DSCAM: variants seen among roughly 807,000 people sequenced by gnomAD.
The protein encoded by DSCAM is DS cell adhesion molecule, also known as cell adhesion molecule DSCAM.
Under a neutral mutation model 217.7 loss-of-function variants are expected in DSCAM, and 47 were observed. The ratio of observed to expected loss-of-function variants is 0.22; its 90% CI spans 0.17 to 0.28. The LOEUF (loss-of-function observed/expected upper bound fraction) is 0.28, where lower values mean the gene tolerates loss of function less well. Ranked by LOEUF, DSCAM falls within the 10% of genes least tolerant of loss-of-function variation. DSCAM has a pLI of 1.00. For missense variants in DSCAM, 2,080 were observed against 2,618.3 expected (o/e 0.79, Z 4.49); for synonymous variants, 1,056 against 1,015.3 (o/e 1.04, Z -0.76).
intron 14 of DSCAM, among the ~76,000 whole-genome samples, chr21:40,184,023 TA>T (rs1953548866): frequency 6.6e-6 from 1 of 152,082 alleles, no homozygotes; most frequent in Admixed American, 6.5e-5. Context: ...CTATGGCCCA[TA>T]GGGGGACAAC....
chr21:40,555,854 C>T (rs1367583880), intron 3 of DSCAM, among the ~76,000 whole-genome samples: 1 of 151,960 alleles, frequency 6.6e-6, no homozygotes, highest in Middle Eastern at 3.2e-3. Context: ...CCTGACTGGT[C>T]TTGAAGTCTT....
intron 3 of DSCAM, among the ~76,000 whole-genome samples, chr21:40,524,716 A>T (rs1159367976): frequency 6.6e-6 from 1 of 152,136 alleles, no homozygotes; most frequent in East Asian, 1.9e-4. Context: ...ATGCAGTATT[A>T]AAAAATTCAC....
chr21:40,358,373 G>C (rs979392882), intron 4 of DSCAM, among the ~76,000 whole-genome samples: 4 of 152,090 alleles, frequency 2.6e-5, no homozygotes, highest in African/African-American at 9.7e-5. Context: ...ATGGATTATG[G>C]CCTAAATATA....
chr21:40,441,838 C>T (rs980399600), intron 3 of DSCAM, among the ~76,000 whole-genome samples: 6 of 152,146 alleles, frequency 3.9e-5, no homozygotes, highest in African/African-American at 1.4e-4. Flanking sequence ...CCATGGGACC[C>T]CATGATGGAA....
intron 8 of DSCAM, among the ~76,000 whole-genome samples, chr21:40,315,848 G>A (rs2074190550): frequency 2.0e-5 from 3 of 152,084 alleles, no homozygotes; most frequent in African/African-American, 4.8e-5. Flanking sequence ...TCAGATTCTG[G>A]GAGTTCAGGC....
intron 2 of DSCAM, among the ~76,000 whole-genome samples, chr21:40,694,080 A>G (rs1461994637): frequency 2.6e-5 from 4 of 152,232 alleles, no homozygotes; most frequent in Non-Finnish European, 5.9e-5. Flanking sequence ...GTAAGGCCAC[A>G]CTTACCAATA....
At chr21:40,438,345 T>A (rs1360856224) in intron 3 of DSCAM, among the ~76,000 whole-genome samples, 1 of 152,240 alleles carries the variant, frequency 6.6e-6, no homozygotes, top group Non-Finnish European at 1.5e-5. Context: ...AATCTTGGTA[T>A]CTTGGAGGTC....
intron 3 of DSCAM, among the ~76,000 whole-genome samples, chr21:40,579,294 A>C (rs2076884104): frequency 6.6e-6 from 1 of 152,130 alleles, no homozygotes; most frequent in African/African-American, 2.4e-5. Context: ...CCTCAATAAA[A>C]CTTCAGAGTA....
At chr21:40,237,114 T>G (rs2073090337) in intron 11 of DSCAM, among the ~76,000 whole-genome samples, 1 of 152,184 alleles carries the variant, frequency 6.6e-6, no homozygotes, top group Non-Finnish European at 1.5e-5. Context: ...AAGTTCTCAC[T>G]CTTGAAATAA....
intron 10 of DSCAM, among the ~76,000 whole-genome samples, chr21:40,289,318 C>T (rs1275270143): frequency 3.3e-5 from 5 of 152,196 alleles, no homozygotes; most frequent in Admixed American, 3.3e-4. Flanking sequence ...GCCAAGCCTC[C>T]ATCAGTGAAA....
chr21:40,276,331 G>A (rs1403376835), intron 10 of DSCAM, 61 bp from the exon 11 acceptor site: 15 of 1,479,766 alleles, frequency 1.0e-5, no homozygotes, highest in Admixed American at 2.1e-5. Flanking sequence ...GGAAGACAAC[G>A]AGTTCAAGTA....
intron 1 of DSCAM, among the ~76,000 whole-genome samples, chr21:40,801,738 AGC>A (rs1569043269): frequency 6.6e-6 from 1 of 152,230 alleles, no homozygotes; most frequent in Non-Finnish European, 1.5e-5. Flanking sequence ...GTATACATGT[AGC>A]GCTAATTCTG....
intron 1 of DSCAM, among the ~76,000 whole-genome samples, chr21:40,785,765 G>A (rs1409670365): frequency 1.3e-5 from 2 of 152,228 alleles, no homozygotes; most frequent in Non-Finnish European, 2.9e-5. Context: ...CATTGGGATA[G>A]AGCAGTGAGG....
At chr21:40,374,602 G>A (rs1212502764) in intron 3 of DSCAM, among the ~76,000 whole-genome samples, 2 of 152,224 alleles carry the variant, frequency 1.3e-5, no homozygotes, top group Non-Finnish European at 2.9e-5. Flanking sequence ...CTTGGGGAAA[G>A]GAGGATCACA....
chr21:40,386,957 T>C (rs2075091847), intron 3 of DSCAM, among the ~76,000 whole-genome samples: 1 of 152,220 alleles, frequency 6.6e-6, no homozygotes, highest in Admixed American at 6.5e-5. Context: ...TTACATTATT[T>C]GGAACCTTAT....
rs189124086 is a variant in DSCAM at position 40,565,980 on chromosome 21, C to T, written c.508+126830G>A. ...CAGCCAAGAGAAGCTTCATGAAAAA[C>T]GGCACATAAAGATAACTAAAACATG... On this transcript the variant is annotated intron_variant, in intron 3 of 32. Coordinates refer to ENST00000400454, the MANE Select transcript of DSCAM (RefSeq NM_001389.5). 6.2e-4 allele frequency among the ~76,000 whole-genome samples: 94 copies of T among 152,244 alleles called. No individual in the cohort carries two copies. In the East Asian group the frequency reaches 7.7e-3, roughly 12 times the overall value.
intron 1 of DSCAM, among the ~76,000 whole-genome samples, chr21:40,826,090 T>C (rs2091966574): frequency 6.6e-6 from 1 of 152,236 alleles, no homozygotes; most frequent in South Asian, 2.1e-4. Flanking sequence ...TCTAAGTATA[T>C]GATTTTAAGT....
At chr21:40,515,796 A>G (rs185268129) in intron 3 of DSCAM, among the ~76,000 whole-genome samples, 1 of 152,266 alleles carries the variant, frequency 6.6e-6, no homozygotes, top group Non-Finnish European at 1.5e-5. Context: ...TCTTCAAACA[A>G]TATTTAATTA....
intron 3 of DSCAM, among the ~76,000 whole-genome samples, chr21:40,488,109 C>T (rs569839414): frequency 1.3e-5 from 2 of 152,228 alleles, no homozygotes; most frequent in Non-Finnish European, 2.9e-5. Context: ...TAAGGCTCCA[C>T]ATTAATCAAA....
Sources: allele counts gnomAD v4.1 joint callset (sites outside exome capture counted in the v4.1 genomes callset), GRCh38; gene constraint gnomAD v4.1.1; transcripts MANE v1.5; gene names NCBI Gene and HGNC (gene_info 2026-07-23, HGNC 2026-07-21).